ATCAY: variants seen among roughly 807,000 people sequenced by gnomAD.
ATCAY encodes the protein ATCAY kinesin light chain interacting caytaxin, also known as caytaxin.
A neutral mutation model predicts 47.7 loss-of-function variants in ATCAY; 22 were observed. That is an observed-to-expected ratio of 0.46 (90% CI 0.33 to 0.66). The LOEUF is 0.66. Among genes scored for constraint, ATCAY ranks in the 30% least tolerant of loss-of-function variants. ATCAY has a pLI of 0.02. For synonymous variants in ATCAY, 216 were observed against 207.6 expected (o/e 1.04, Z -0.35); for missense variants, 452 against 515.0 (o/e 0.88, Z 1.18).
In ATCAY at chr19:3,907,148, G is replaced by C. The variant is rs368264542; in HGVS notation, c.359-586G>C. On this transcript the variant is annotated intron_variant, in intron 4 of 12. Coordinates refer to ENST00000450849, the MANE Select transcript of ATCAY (RefSeq NM_033064.5). This position sits in a 1 kb window ranked among gnomAD's most constrained non-coding sequence, Gnocchi z 5.1. ...GACTCTCTCAAAAAAAAAAAAGAAA[G>C]AAAAAAAAAAATTAAGGACAATGTA... Among the ~76,000 whole-genome samples the C allele has an allele frequency of 7.0e-6, 1 of 143,614 alleles. No homozygotes were observed. The highest frequency in any genetic ancestry group is 2.6e-5 in the African/African-American group (1 of 38,748). 94.2% of individuals were successfully genotyped at this position (143,614 alleles called of 152,430 possible). A position where few individuals can be genotyped will look rare whatever the true frequency, so the allele number is the denominator to read the frequency against.
At chr19:3,911,580 T>TAAC (rs10660673) in intron 8 of ATCAY, among the ~76,000 whole-genome samples, 87,659 of 150,602 alleles carry the variant, frequency 0.58, 26,723 homozygotes, top group East Asian at 0.94. Context: ...ATATGACTAA[T>TAAC]AAATTTAAAA....
chr19:3,906,876 G>A (rs1262622470), intron 4 of ATCAY, among the ~76,000 whole-genome samples: 2 of 151,950 alleles, frequency 1.3e-5, no homozygotes, highest in East Asian at 1.9e-4. Flanking sequence ...AGTGACTCAC[G>A]CCTGTAATCC....
rs750960090 is a variant in ATCAY, at chr19:3,907,829, C to T, written c.454C>T (p.Arg152Cys). ...GGAGGACGGCAGCGCCGCCAACGGGCGCCTGTGGCGGACAGTGATCATCGG... is the reference window on the plus strand; with the variant it reads ...GGAGGACGGCAGCGCCGCCAACGGGTGCCTGTGGCGGACAGTGATCATCGG... ...TTEDGSAANGRLWRTVIIGEQ... is the reference protein window; with the variant it reads ...TTEDGSAANGCLWRTVIIGEQ... Residue 152 changes from arginine to cysteine, a missense_variant, in exon 5 of 13, where the codon CGC becomes TGC. Coordinates refer to ENST00000450849, the MANE Select transcript of ATCAY (RefSeq NM_033064.5). This position sits in a 1 kb window ranked among gnomAD's most constrained non-coding sequence, Gnocchi z 5.1. 16 of 1,613,842 alleles carry T rather than the reference C, an allele frequency of 9.9e-6. No homozygotes were observed. Among genetic ancestry groups the T allele is most frequent in the South Asian group, 3.3e-5 (3 of 91,088 alleles).
intron 6 of ATCAY, among the ~76,000 whole-genome samples, chr19:3,908,688 T>TC (rs2038889885): frequency 2.4e-5 from 1 of 41,862 alleles, no homozygotes; most frequent in African/African-American, 8.7e-5. Flanking sequence ...CCTCCCCTTC[T>TC]TCCTCCCCCC....
intron 7 of ATCAY, 75 bp from the exon 8 acceptor site, chr19:3,910,728 C>T: frequency 6.8e-7 from 1 of 1,465,494 alleles, no homozygotes; most frequent in Non-Finnish European, 9.6e-7. Flanking sequence ...TTGTGGCTCT[C>T]CCGTCCCACC....
At chr19:3,893,865 C>T (rs1467985159) in intron 2 of ATCAY, among the ~76,000 whole-genome samples, 1 of 151,880 alleles carries the variant, frequency 6.6e-6, no homozygotes, top group African/African-American at 2.4e-5. Flanking sequence ...TCCCTACCCT[C>T]CATCCTCCAA....
chr19:3,907,144 G>GA lies in ATCAY; in HGVS notation c.359-587dup, dbSNP rs1215533750. ...ACAAGACTCTCTCAAAAAAAAAAAA[G>GA]AAAGAAAAAAAAAAATTAAGGACAA... On this transcript the variant is annotated intron_variant, in intron 4 of 12. Coordinates refer to ENST00000450849, the MANE Select transcript of ATCAY (RefSeq NM_033064.5). This position sits in a 1 kb window ranked among gnomAD's most constrained non-coding sequence, Gnocchi z 5.1. 2.2e-4 allele frequency among the ~76,000 whole-genome samples: 30 copies of GA among 137,980 alleles called. No homozygotes were observed. Among genetic ancestry groups the GA allele is most frequent in the African/African-American group, 7.4e-4 (28 of 37,878 alleles). 90.5% of individuals were successfully genotyped at this position (137,980 alleles called of 152,430 possible).
chr19:3,899,852 G>T (rs999097725), intron 2 of ATCAY, among the ~76,000 whole-genome samples: 4 of 152,096 alleles, frequency 2.6e-5, no homozygotes, highest in Non-Finnish European at 5.9e-5. Flanking sequence ...GGTCAAACTC[G>T]GGCAGCACGG....
intron 2 of ATCAY, among the ~76,000 whole-genome samples, chr19:3,897,274 T>C (rs1443822168): frequency 6.7e-6 from 1 of 150,374 alleles, no homozygotes; most frequent in African/African-American, 2.5e-5. Flanking sequence ...TATATATATA[T>C]ATATATATAG....
intron 2 of ATCAY, among the ~76,000 whole-genome samples, chr19:3,887,901 A>G (rs1382139221): frequency 6.6e-6 from 1 of 151,400 alleles, no homozygotes; most frequent in Non-Finnish European, 1.5e-5. Context: ...AAGGTCAGGA[A>G]TTTGAGACCA....
At chr19:3,881,122 A>C (rs759740872) in intron 1 of ATCAY, 114 bp downstream of exon 1, 35 of 152,068 alleles carry the variant, frequency 2.3e-4, no homozygotes, top group Non-Finnish European at 4.6e-4. Context: ...GTGGGAGCAG[A>C]GAGCCACGGT....
intron 7 of ATCAY, 128 bp downstream of exon 7, chr19:3,909,745 G>A: frequency 1.5e-6 from 2 of 1,355,864 alleles, no homozygotes; most frequent in Admixed American, 2.1e-5. Flanking sequence ...TTGAGCCCAG[G>A]AGTTTGAGAC....
Position 3,907,048 on chromosome 19 carries a change from C to T in ATCAY, c.359-686C>T, listed in dbSNP as rs568143392. On this transcript the variant is annotated intron_variant, in intron 4 of 12. Coordinates refer to ENST00000450849, the MANE Select transcript of ATCAY (RefSeq NM_033064.5). The surrounding 1 kb of genome is among the most constrained non-coding windows in gnomAD (Gnocchi z 5.1). ...ACTCGGGAGGCTGAGGCAGGAGAAT[C>T]GCTTGAACTCTGGAGGCAGAGGCTG... 2.4e-4 allele frequency among the ~76,000 whole-genome samples: 36 copies of T among 149,694 alleles called. No homozygotes were observed. The highest frequency in any genetic ancestry group is 6.4e-4 in the South Asian group (3 of 4,690).
chr19:3,884,466 G>A (rs1031506538), intron 1 of ATCAY, among the ~76,000 whole-genome samples: 6 of 152,044 alleles, frequency 3.9e-5, no homozygotes, highest in East Asian at 1.9e-4. Context: ...GGCAGATAGC[G>A]ATGGGTTAGA....
intron 2 of ATCAY, among the ~76,000 whole-genome samples, chr19:3,901,440 G>A (rs1049828470): frequency 6.6e-6 from 1 of 151,966 alleles, no homozygotes. Flanking sequence ...TTTTTGTGGG[G>A]GTTTTATCTA....
At chr19:3,904,547 G>T (rs1428088269) in intron 3 of ATCAY, among the ~76,000 whole-genome samples, 1 of 152,158 alleles carries the variant, frequency 6.6e-6, no homozygotes, top group East Asian at 1.9e-4. Flanking sequence ...TTGAGGACTT[G>T]TCAGTCTCTG....
intron 12 of ATCAY, among the ~76,000 whole-genome samples, chr19:3,921,506 G>A (rs2039019564): frequency 6.6e-6 from 1 of 152,144 alleles, no homozygotes; most frequent in Non-Finnish European, 1.5e-5. Flanking sequence ...CAGGCACAAT[G>A]GTTTGCCAGA....
At chr19:3,919,751 C>T (rs2039000147) in intron 11 of ATCAY, among the ~76,000 whole-genome samples, 1 of 103,782 alleles carries the variant, frequency 9.6e-6, no homozygotes, top group African/African-American at 3.8e-5. Flanking sequence ...AAGACCCTGT[C>T]TCAAAAAAAA....
chr19:3,883,704 T>C (rs751236919), intron 1 of ATCAY, among the ~76,000 whole-genome samples: 2 of 152,280 alleles, frequency 1.3e-5, no homozygotes, highest in Middle Eastern at 3.4e-3. Flanking sequence ...GGAGGCAGAA[T>C]TGTCCACAGG....
Sources: allele counts gnomAD v4.1 joint callset (sites outside exome capture counted in the v4.1 genomes callset), GRCh38; gene constraint gnomAD v4.1.1; non-coding constraint Gnocchi (gnomAD v3.1); transcripts MANE v1.5; gene names NCBI Gene and HGNC (gene_info 2026-07-23, HGNC 2026-07-21).